The following TRAPPC12 variants were observed in gnomAD, a reference collection of about 807,000 sequenced individuals.
TRAPPC12 encodes TPR repeat protein 15.
TRAPPC12 carries 61 observed loss-of-function variants against 69.2 expected under a neutral mutation model. The observed-to-expected ratio is 0.88, with a 90% CI of 0.72 to 1.09. The LOEUF is 1.09. Among genes scored for constraint, TRAPPC12 ranks in the 50% least tolerant of loss-of-function variants. The pLI is 0.00. For missense variants in TRAPPC12, 1,101 were observed against 1,016.4 expected, an observed-to-expected ratio of 1.08 and a Z score of -1.13; for synonymous variants, 469 against 438.9, an observed-to-expected ratio of 1.07 and a Z score of -0.86.
Position 3,388,442 on chromosome 2 carries a change from C to T in TRAPPC12, c.819C>T (p.Pro273=). The change falls in exon 2 of 12, where the codon CCC becomes CCT. Residue 273 remains proline (P), a synonymous_variant. Transcript: ENST00000324266. The part of the protein sequence containing the change: ...VAMRGPQAAA[P]PASPEPFAHI... Reference sequence around the variant, plus strand: ...TGCGAGGGCCCCAGGCAGCTGCGCCCCCGGCGTCGCCAGAGCCTTTCGCGC... The same window carrying T: ...TGCGAGGGCCCCAGGCAGCTGCGCCTCCGGCGTCGCCAGAGCCTTTCGCGC... The T allele has an allele frequency of 6.2e-7, 1 of 1,608,522 alleles. No individual in the cohort carries two copies. Among genetic ancestry groups the T allele is most frequent in the Non-Finnish European group, 8.5e-7 (1 of 1,177,928 alleles).
At chr2:3,449,217 A>G (rs541270943) in intron 6 of TRAPPC12, 5 of 152,328 alleles carry the variant, frequency 3.3e-5, no homozygotes, top group African/African-American at 7.2e-5. Context: ...AGAGAGCTTC[A>G]CAGACCATTT....
At chr2:3,473,582 C>T (rs1666160685) in intron 9 of TRAPPC12, among the ~76,000 whole-genome samples, 1 of 152,146 alleles carries the variant, frequency 6.6e-6, no homozygotes, top group South Asian at 2.1e-4. Context: ...TGGGCTCAAG[C>T]AATCCTCCCG....
At chr2:3,421,612 CG>C in intron 3 of TRAPPC12, 1 of 674,018 alleles carries the variant, frequency 1.5e-6, no homozygotes, top group Non-Finnish European at 2.8e-6. Flanking sequence ...GATGTTCTAT[CG>C]GTTGTTGAAT....
chr2:3,464,900 C>T (rs574882756), intron 8 of TRAPPC12, among the ~76,000 whole-genome samples: 79 of 152,364 alleles, frequency 5.2e-4, no homozygotes, highest in African/African-American at 1.8e-3. Flanking sequence ...GGCCAGACCA[C>T]CACAGGCAGG....
intron 3 of TRAPPC12, among the ~76,000 whole-genome samples, chr2:3,416,992 T>C (rs1256082733): frequency 2.0e-5 from 3 of 150,762 alleles, no homozygotes; most frequent in Non-Finnish European, 4.4e-5. Context: ...CTGCTCCCGC[T>C]CCTCTCAGGA....
intron 4 of TRAPPC12, among the ~76,000 whole-genome samples, chr2:3,422,235 C>A (rs1175660150): frequency 6.6e-6 from 1 of 152,144 alleles, no homozygotes; most frequent in African/African-American, 2.4e-5. Context: ...ATGGTGGAAC[C>A]GGCATGGCTT....
chr2:3,422,539 G>GT (rs1488036754), intron 4 of TRAPPC12, among the ~76,000 whole-genome samples: 1 of 152,234 alleles, frequency 6.6e-6, no homozygotes, highest in Non-Finnish European at 1.5e-5. Context: ...TCCCTGGGGA[G>GT]TTTTTTAACT....
At chr2:3,470,762 G>A (rs1012325178) in intron 9 of TRAPPC12, among the ~76,000 whole-genome samples, 1 of 152,040 alleles carries the variant, frequency 6.6e-6, no homozygotes, top group African/African-American at 2.4e-5. Flanking sequence ...TAATCAAAAA[G>A]GAAGTATTTT....
intron 9 of TRAPPC12, among the ~76,000 whole-genome samples, chr2:3,470,192 C>T (rs1666000547): frequency 6.6e-6 from 1 of 152,262 alleles, no homozygotes. Flanking sequence ...GGCACTACTG[C>T]AAGAACTGTG....
intron 9 of TRAPPC12, among the ~76,000 whole-genome samples, chr2:3,471,343 G>A (rs1212812789): frequency 6.6e-6 from 1 of 152,164 alleles, no homozygotes; most frequent in East Asian, 1.9e-4. Flanking sequence ...TGCATATAAG[G>A]GAGGATCCAT....
intron 3 of TRAPPC12, among the ~76,000 whole-genome samples, chr2:3,416,173 C>T (rs909776339): frequency 6.6e-6 from 1 of 152,162 alleles, no homozygotes; most frequent in African/African-American, 2.4e-5. Flanking sequence ...CATACCTCCT[C>T]TTAGGTGCTT....
At position 3,465,609 on chromosome 2, in the gene TRAPPC12, G is replaced by T; in HGVS notation, c.1690G>T (p.Ala564Ser). The T allele has an allele frequency of 6.2e-7, 1 of 1,613,730 alleles. No individual in the cohort carries two copies. The highest frequency in any genetic ancestry group is 1.1e-5 in the South Asian group (1 of 91,088). The part of the protein sequence containing the change: ...CLLLMKDYVL[A>S]VEAYHSVIKY... Reference sequence around the variant, plus strand: ...TTTCTTCCCACAGGATTATGTGCTGGCCGTGGAGGCGTATCATTCGGTTAT... The same window carrying T: ...TTTCTTCCCACAGGATTATGTGCTGTCCGTGGAGGCGTATCATTCGGTTAT... Residue 564 changes from alanine to serine, a missense_variant, in exon 9 of 12, where the codon GCC (alanine) becomes TCC (serine). By Grantham distance (99) the Ala-to-Ser change is moderately conservative. Coordinates refer to ENST00000324266, the MANE Select transcript of TRAPPC12 (RefSeq NM_016030.6).
chr2:3,443,979 C>T lies in TRAPPC12; in HGVS notation c.1530+88C>T, dbSNP rs546147482. The T allele has an allele frequency of 9.8e-5, 95 of 965,640 alleles. No individual in the cohort carries two copies. In the African/African-American group the frequency reaches 1.3e-3, roughly 13 times the overall value. The allele number at this position is 965,640 out of a possible 1,614,324, so 59.8% of individuals were successfully genotyped here. On this transcript the variant is annotated intron_variant, in intron 6 of 11. Transcript: ENST00000324266. ...GGACATGCCCGTGCTGTTCCCTGCC[C>T]GTCCTGCCCCATGCACCATCGCTGC...
intron 5 of TRAPPC12, among the ~76,000 whole-genome samples, chr2:3,430,669 C>A (rs927645692): frequency 6.6e-6 from 1 of 152,206 alleles, no homozygotes; most frequent in African/African-American, 2.4e-5. Context: ...TTTAAAAATA[C>A]AAACATAACC....
intron 3 of TRAPPC12, among the ~76,000 whole-genome samples, chr2:3,403,483 AC>A (rs1469746696): frequency 2.6e-5 from 4 of 152,010 alleles, no homozygotes; most frequent in African/African-American, 9.7e-5. Context: ...CGCCTGCCTC[AC>A]CCTCCCAGAG....
chr2:3,477,196 G>A (rs1220911914), intron 9 of TRAPPC12, among the ~76,000 whole-genome samples: 1 of 152,234 alleles, frequency 6.6e-6, no homozygotes, highest in African/African-American at 2.4e-5. Context: ...CGTGATAAGA[G>A]TGGGTTTGAG....
chr2:3,412,755 C>G (rs1248473200), intron 3 of TRAPPC12, among the ~76,000 whole-genome samples: 1 of 152,122 alleles, frequency 6.6e-6, no homozygotes, highest in Non-Finnish European at 1.5e-5. Flanking sequence ...ACTGGGCCAT[C>G]ATCTGTTCCG....
At chr2:3,457,904 C>T in intron 7 of TRAPPC12, 16 of 1,416,882 alleles carry the variant, frequency 1.1e-5, no homozygotes, top group Non-Finnish European at 1.5e-5. Flanking sequence ...CAGACCCGAA[C>T]CCTGCGCCCG....
chr2:3,465,074 C>T (rs1046935894), intron 8 of TRAPPC12, among the ~76,000 whole-genome samples: 12 of 151,306 alleles, frequency 7.9e-5, no homozygotes, highest in Non-Finnish European at 1.8e-4. Flanking sequence ...TCTGCAAGGC[C>T]GACCTCCATC....
Sources: allele counts gnomAD v4.1 joint callset (sites outside exome capture counted in the v4.1 genomes callset), GRCh38; gene constraint gnomAD v4.1.1; transcripts MANE v1.5; gene names NCBI Gene and HGNC (gene_info 2026-07-23, HGNC 2026-07-21).